The following MED15 variants were observed in gnomAD, a reference collection of about 807,000 sequenced individuals.
The protein encoded by MED15 is mediator of RNA polymerase II transcription subunit 15.
In MED15, 41 loss-of-function variants were observed where a neutral mutation model predicts 118.7. That is an observed-to-expected ratio of 0.35 (90% CI 0.27 to 0.45). The LOEUF (loss-of-function observed/expected upper bound fraction) is 0.45. Among genes scored for constraint, MED15 ranks in the 20% least tolerant of loss-of-function variants. MED15 has a pLI of 1.00. For missense variants in MED15, 740 were observed against 1,025.5 expected, an observed-to-expected ratio of 0.72 and a Z score of 3.80; for synonymous variants, 436 against 413.9, an observed-to-expected ratio of 1.05 and a Z score of -0.65.
intron 2 of MED15, chr22:20,550,945 C>T (rs537149938): frequency 2.1e-4 from 73 of 354,196 alleles, no homozygotes; most frequent in African/African-American, 1.5e-3. Context: ...AGGGGAGGGC[C>T]GCCCAGATTT....
chr22:20,543,501 C>T (rs1307611161), intron 2 of MED15, among the ~76,000 whole-genome samples: 4 of 145,040 alleles, frequency 2.8e-5, no homozygotes, highest in South Asian at 2.2e-4. Context: ...CGTGAGCCAC[C>T]ATGCCCGGCC....
intron 1 of MED15, among the ~76,000 whole-genome samples, chr22:20,527,414 T>C (rs947887963): frequency 6.6e-6 from 1 of 151,870 alleles, no homozygotes; most frequent in African/African-American, 2.4e-5. Context: ...ATGGATACAA[T>C]GTAGTATAAT....
chr22:20,548,455 G>T (rs2055640402), intron 2 of MED15, among the ~76,000 whole-genome samples: 1 of 152,056 alleles, frequency 6.6e-6, no homozygotes, highest in Non-Finnish European at 1.5e-5. Context: ...GTGAGCCAAG[G>T]TGCCCGACTT....
chr22:20,577,300 GCTCTGTCCTGGGCTTTGGCTTGCCCATA>G (rs2056851049), intron 9 of MED15, among the ~76,000 whole-genome samples: 1 of 152,032 alleles, frequency 6.6e-6, no homozygotes, highest in Non-Finnish European at 1.5e-5. Flanking sequence ...ACAAGACCAG[GCTCTGTCCTGGGCTTTGGCTTGCCCATA>G]CTCTGTTGTG....
intron 8 of MED15, among the ~76,000 whole-genome samples, chr22:20,568,849 C>G (rs535692995): frequency 1.3e-5 from 2 of 152,168 alleles, no homozygotes; most frequent in Admixed American, 6.5e-5. Context: ...CCGCATAGTG[C>G]GTGTCGTTTC....
At chr22:20,516,398 C>T (rs114048337) in intron 1 of MED15, among the ~76,000 whole-genome samples, 3,526 of 152,048 alleles carry the variant, frequency 0.023, 134 homozygotes, top group African/African-American at 0.081. Flanking sequence ...CAGACAAACC[C>T]CTTTTATTTG....
intron 2 of MED15, among the ~76,000 whole-genome samples, chr22:20,550,266 G>C (rs2055716596): frequency 6.6e-6 from 1 of 152,188 alleles, no homozygotes; most frequent in African/African-American, 2.4e-5. Flanking sequence ...GGGATAGCCG[G>C]AAGCTGGGCG....
intron 1 of MED15, among the ~76,000 whole-genome samples, chr22:20,509,587 T>G (rs1275651694): frequency 1.4e-3 from 174 of 122,528 alleles, no homozygotes; most frequent in African/African-American, 2.1e-3. Flanking sequence ...TGGAGGGGGG[T>G]GGGGTGTGGG....
At chr22:20,558,740 G>A (rs1247880485) in intron 5 of MED15, among the ~76,000 whole-genome samples, 1 of 152,094 alleles carries the variant, frequency 6.6e-6, no homozygotes, top group Non-Finnish European at 1.5e-5. Context: ...CAGGATTTGT[G>A]CTGGGTCCTG....
At chr22:20,517,750 T>C (rs549263806) in intron 1 of MED15, among the ~76,000 whole-genome samples, 69 of 152,280 alleles carry the variant, frequency 4.5e-4, no homozygotes, top group African/African-American at 1.5e-3. Context: ...GCTATGGTGA[T>C]GGGGGCTGTC....
At chr22:20,532,941 T>G (rs1183552770) in intron 1 of MED15, among the ~76,000 whole-genome samples, 1 of 152,156 alleles carries the variant, frequency 6.6e-6, no homozygotes, top group African/African-American at 2.4e-5. Context: ...TGCTCCTTAC[T>G]CCATGTTGGG....
In MED15 at chr22:20,537,315, G is replaced by C. The variant is rs553819502; in HGVS notation, c.156+111G>C. The C allele has an allele frequency of 2.7e-4, 233 of 869,566 alleles. 6 individuals carry two copies. The South Asian group carries it at 3.7e-3, about 14-fold the overall frequency. The allele number at this position is 869,566 out of a possible 1,614,324, so 53.9% of individuals were successfully genotyped here. On this transcript the variant is annotated intron_variant, in intron 2 of 17. Transcript: ENST00000263205. The stretch of plus-strand genomic sequence containing the variant: ...CCTAGGGTGTAGGGGTGGGGTGGTT[G>C]CTCATCGATTGATCACAGGCACAGT...
chr22:20,585,591 C>G, intron 16 of MED15, 137 bp from the exon 17 acceptor site: 3 of 813,250 alleles, frequency 3.7e-6, no homozygotes, highest in South Asian at 1.6e-5. Flanking sequence ...ATCTGAGAGT[C>G]AGAGAGACCT....
rs569362447 is a variant in MED15, at chr22:20,534,646, A to G, written c.69-2471A>G. On this transcript the variant is annotated intron_variant, in intron 1 of 17. Transcript: ENST00000263205. The stretch of plus-strand genomic sequence containing the variant: ...AAAACAGGCCTGTGCAGCCACTTCT[A>G]TCAGAAATGCTCACTGACTTCTTGG... 6.6e-4 allele frequency among the ~76,000 whole-genome samples: 101 copies of G among 152,348 alleles called. 1 individual carries two copies. Among genetic ancestry groups the G allele is most frequent in the Admixed American group, 5.2e-4 (8 of 15,310 alleles).
chr22:20,509,475 C>T (rs1168315950), intron 1 of MED15, among the ~76,000 whole-genome samples: 2 of 150,724 alleles, frequency 1.3e-5, no homozygotes, highest in Admixed American at 1.3e-4. Flanking sequence ...CCTAGTCGGG[C>T]GGGAGATTAT....
chr22:20,544,074 A>G (rs963621163), intron 2 of MED15, among the ~76,000 whole-genome samples: 7 of 152,120 alleles, frequency 4.6e-5, no homozygotes, highest in Non-Finnish European at 1.0e-4. Flanking sequence ...TTCTAACAAC[A>G]TTCTGTTTTT....
chr22:20,571,455 A>T (rs1158259604), intron 8 of MED15, among the ~76,000 whole-genome samples: 1 of 152,240 alleles, frequency 6.6e-6, no homozygotes, highest in Non-Finnish European at 1.5e-5. Context: ...GGGATTCCCA[A>T]GTGCTAGTGG....
rs550040028 is a variant in MED15, at chr22:20,547,947, C to T, written c.157-3489C>T. Among the ~76,000 whole-genome samples, 7 of 152,194 alleles carry T rather than the reference C, an allele frequency of 4.6e-5. No individual in the cohort carries two copies. The East Asian group carries it at 5.8e-4, about 13-fold the overall frequency. On this transcript the variant is annotated intron_variant, in intron 2 of 17. Transcript: ENST00000263205. ...CCCAGGAAGTTGAAACTGCAGTGAGCGATGATCGCGTCACTGCACTCCAGC... is the reference window on the plus strand; with the variant it reads ...CCCAGGAAGTTGAAACTGCAGTGAGTGATGATCGCGTCACTGCACTCCAGC...
chr22:20,573,909 C>A (rs2056745187), intron 8 of MED15: 2 of 152,232 alleles, frequency 1.3e-5, no homozygotes, highest in South Asian at 4.1e-4. Context: ...CGTGTCTCCC[C>A]CCGGTCGGTT....
Sources: allele counts gnomAD v4.1 joint callset (sites outside exome capture counted in the v4.1 genomes callset), GRCh38; gene constraint gnomAD v4.1.1; transcripts MANE v1.5; gene names NCBI Gene and HGNC (gene_info 2026-07-23, HGNC 2026-07-21).